DOCK1: variants seen among roughly 807,000 people sequenced by gnomAD.
DOCK1 encodes the protein dedicator of cytokinesis protein 1.
Under a neutral mutation model 262.7 loss-of-function variants are expected in DOCK1, and 138 were observed. The observed-to-expected ratio is 0.53, with a 90% CI of 0.46 to 0.61. The LOEUF is 0.61. Ranked by LOEUF, DOCK1 falls within the 20% of genes least tolerant of loss-of-function variation. The probability of loss-of-function intolerance (pLI) is 0.00; values close to 1 mark genes in which losing one functional copy is unlikely to be tolerated. For synonymous variants in DOCK1, 866 were observed against 867.4 expected (o/e 1.00, Z 0.03); for missense variants, 1,908 against 2,370.7 (o/e 0.80, Z 4.05).
intron 11 of DOCK1, among the ~76,000 whole-genome samples, chr10:127,010,070 T>C (rs781055268): frequency 6.6e-6 from 1 of 152,026 alleles, no homozygotes; most frequent in Non-Finnish European, 1.5e-5. Flanking sequence ...TATATGTATC[T>C]CAGCATGCAC....
At chr10:127,148,059 A>T (rs1285350347) in intron 27 of DOCK1, among the ~76,000 whole-genome samples, 1 of 135,790 alleles carries the variant, frequency 7.4e-6, no homozygotes, top group Non-Finnish European at 1.6e-5. Context: ...AAAAAAAAAA[A>T]TTCCACCTGT....
chr10:127,126,057 T>G (rs920573346), intron 26 of DOCK1, among the ~76,000 whole-genome samples: 1 of 151,350 alleles, frequency 6.6e-6, no homozygotes. Flanking sequence ...CCTAGGTCAG[T>G]GCTTTGCTTT....
intron 30 of DOCK1, among the ~76,000 whole-genome samples, chr10:127,340,626 T>C (rs1304758434): frequency 6.6e-6 from 1 of 152,220 alleles, no homozygotes; most frequent in Non-Finnish European, 1.5e-5. Context: ...CCAAATGATA[T>C]GACATTTTAA....
rs552078842 is a variant in DOCK1, at chr10:127,329,356, G to A, written c.3045-9650G>A. Among the ~76,000 whole-genome samples the A allele has an allele frequency of 2.6e-5, 4 of 152,280 alleles. No individual in the cohort carries two copies. In the South Asian group the frequency reaches 8.3e-4, roughly 32 times the overall value. ...AGGAGCCTGGGAGAGGAAGGAGGAG[G>A]CCTGAGGGATGGACACTGGGGTGCT... On this transcript the variant is annotated intron_variant, in intron 29 of 51. Transcript: ENST00000623213.
intron 5 of DOCK1, among the ~76,000 whole-genome samples, 160 bp from the exon 6 acceptor site, chr10:126,990,295 G>A (rs1402810167): frequency 6.6e-6 from 1 of 152,122 alleles, no homozygotes; most frequent in East Asian, 1.9e-4. Flanking sequence ...CGTATAATAT[G>A]TTTTAGTTTA....
chr10:127,032,396 T>G (rs928993584), intron 18 of DOCK1, 76 bp downstream of exon 18: 1 of 1,430,374 alleles, frequency 7.0e-7, no homozygotes, highest in Non-Finnish European at 9.2e-7. Context: ...CCTTCCTATG[T>G]GGAGGTGTGC....
chr10:126,975,637 T>G (rs965301748), intron 2 of DOCK1, among the ~76,000 whole-genome samples: 1 of 151,868 alleles, frequency 6.6e-6, no homozygotes, highest in Non-Finnish European at 1.5e-5. Context: ...TCTTTTTTTT[T>G]TTTTTGAGAT....
chr10:127,041,948 G>T (rs1179231491), intron 19 of DOCK1, among the ~76,000 whole-genome samples: 3 of 152,198 alleles, frequency 2.0e-5, no homozygotes, highest in Admixed American at 1.3e-4. Flanking sequence ...TCCTGCAGGG[G>T]AGGATGGGGT....
chr10:127,022,180 G>T (rs574111393), intron 13 of DOCK1, among the ~76,000 whole-genome samples: 1 of 151,970 alleles, frequency 6.6e-6, no homozygotes, highest in East Asian at 1.9e-4. Context: ...CTTTAAAACA[G>T]ACAGGTCTGT....
intron 33 of DOCK1, 81 bp downstream of exon 33, chr10:127,362,293 GT>G: frequency 6.9e-7 from 1 of 1,447,404 alleles, no homozygotes; most frequent in South Asian, 1.6e-5. Context: ...CCTGTAGACA[GT>G]TCTAGAGTTA....
Position 127,144,295 on chromosome 10 carries a change from C to T in DOCK1, c.2847+16531C>T, listed in dbSNP as rs139911087. ...TGTGGATTTTCTAGAATAACAAAGT[C>T]CACCCTCCCCCCTGCCTCATCCACA... On this transcript the variant is annotated intron_variant, in intron 27 of 51. Transcript: ENST00000623213. 4.4e-3 allele frequency among the ~76,000 whole-genome samples: 669 copies of T among 152,220 alleles called. 1 individual carries two copies. Among genetic ancestry groups the T allele is most frequent in the Non-Finnish European group, 6.3e-3 (429 of 68,018 alleles).
intron 3 of DOCK1, among the ~76,000 whole-genome samples, chr10:126,979,246 C>A (rs774676877): frequency 6.6e-6 from 1 of 152,104 alleles, no homozygotes; most frequent in Non-Finnish European, 1.5e-5. Context: ...TCCAGCCAGG[C>A]CCAAAGATAT....
At chr10:127,393,329 C>A (rs888318629) in intron 38 of DOCK1, among the ~76,000 whole-genome samples, 2 of 152,158 alleles carry the variant, frequency 1.3e-5, no homozygotes, top group African/African-American at 2.4e-5. Flanking sequence ...CTCCACTGAT[C>A]CAGCCTGTCT....
At chr10:127,267,063 C>T (rs1419017106) in intron 29 of DOCK1, among the ~76,000 whole-genome samples, 1 of 152,200 alleles carries the variant, frequency 6.6e-6, no homozygotes, top group Non-Finnish European at 1.5e-5. Context: ...ATGCTCTGGA[C>T]CCTCCAGCAG....
At chr10:127,388,898 A>G (rs1331170618) in intron 38 of DOCK1, among the ~76,000 whole-genome samples, 2 of 152,054 alleles carry the variant, frequency 1.3e-5, no homozygotes, top group Admixed American at 6.5e-5. Flanking sequence ...GCACCATCCA[A>G]TCTAGATTAA....
intron 29 of DOCK1, among the ~76,000 whole-genome samples, chr10:127,305,278 T>C (rs971729352): frequency 3.3e-5 from 5 of 152,176 alleles, no homozygotes; most frequent in Non-Finnish European, 5.9e-5. Context: ...ATTAAGTAAG[T>C]TTTAGGTGAA....
chr10:127,153,755 A>G (rs2052742947), intron 27 of DOCK1: 1 of 942,110 alleles, frequency 1.1e-6, no homozygotes, highest in Non-Finnish European at 1.7e-6. Context: ...GTCTGATAGA[A>G]TCATCCCAGC....
chr10:127,323,199 T>A (rs2062612202), intron 29 of DOCK1, among the ~76,000 whole-genome samples: 1 of 152,086 alleles, frequency 6.6e-6, no homozygotes, highest in African/African-American at 2.4e-5. Context: ...GACTTCCACA[T>A]AAAAATGAGG....
chr10:126,996,535 AT>A (rs10538924), intron 6 of DOCK1, among the ~76,000 whole-genome samples: 35,342 of 134,772 alleles, frequency 0.26, 4,172 homozygotes, highest in African/African-American at 0.32. Flanking sequence ...AAAATTGAGG[AT>A]TTTTTTTTTT....
Sources: allele counts gnomAD v4.1 joint callset (sites outside exome capture counted in the v4.1 genomes callset), GRCh38; gene constraint gnomAD v4.1.1; transcripts MANE v1.5; gene names NCBI Gene and HGNC (gene_info 2026-07-23, HGNC 2026-07-21).